Variants in RFC1 observed in about 807,000 individuals in gnomAD.
The protein encoded by RFC1 is A1 140 kDa subunit.
RFC1 carries 37 observed loss-of-function variants against 137.4 expected under a neutral mutation model. The ratio of observed to expected loss-of-function variants is 0.27; its 90% confidence interval spans 0.21 to 0.35. The LOEUF (loss-of-function observed/expected upper bound fraction) is 0.35, where lower values mean the gene tolerates loss of function less well. Ranked by LOEUF, RFC1 falls within the 10% of genes least tolerant of loss-of-function variation. The pLI is 1.00. For missense variants in RFC1, 1,205 were observed against 1,358.5 expected (o/e 0.89, Z 1.78); for synonymous variants, 429 against 455.7 (o/e 0.94, Z 0.75).
chr4:39,365,048 A>G (rs923681990), intron 1 of RFC1, among the ~76,000 whole-genome samples: 2 of 150,030 alleles, frequency 1.3e-5, no homozygotes, highest in Non-Finnish European at 3.0e-5. Context: ...AGAAACACCA[A>G]GATTCTAATT....
At chr4:39,356,892 G>A (rs1026199442) in intron 1 of RFC1, among the ~76,000 whole-genome samples, 1 of 152,202 alleles carries the variant, frequency 6.6e-6, no homozygotes, top group African/African-American at 2.4e-5. Flanking sequence ...TGAAATATAA[G>A]TGTGGTCTGA....
At chr4:39,338,421 T>C (rs1740459168) in intron 4 of RFC1, among the ~76,000 whole-genome samples, 2 of 152,298 alleles carry the variant, frequency 1.3e-5, no homozygotes, top group East Asian at 1.9e-4. Context: ...CACTATGCAA[T>C]AGAAGTAAAA....
intron 1 of RFC1, among the ~76,000 whole-genome samples, chr4:39,361,881 A>T (rs1418561535): frequency 6.6e-6 from 1 of 151,558 alleles, no homozygotes; most frequent in Admixed American, 6.6e-5. Context: ...CTAAAAATAC[A>T]AAAAAAAATT....
intron 10 of RFC1, among the ~76,000 whole-genome samples, chr4:39,315,412 G>C (rs1251055362): frequency 6.6e-6 from 1 of 152,188 alleles, no homozygotes; most frequent in Admixed American, 6.5e-5. Flanking sequence ...AAAGAAGCAG[G>C]GGCCAAGGCC....
intron 22 of RFC1, among the ~76,000 whole-genome samples, chr4:39,293,999 T>C (rs17335494): frequency 6.6e-6 from 1 of 152,206 alleles, no homozygotes; most frequent in Admixed American, 6.5e-5. Flanking sequence ...CCTTTCTGAC[T>C]CTGACACTAC....
At chr4:39,316,491 C>T (rs1180722105) in intron 10 of RFC1, among the ~76,000 whole-genome samples, 1 of 152,200 alleles carries the variant, frequency 6.6e-6, no homozygotes, top group Non-Finnish European at 1.5e-5. Flanking sequence ...TTCTTCAAGT[C>T]TCCATTTAAA....
rs116270310 is a variant in RFC1 at position 39,336,728 on chromosome 4, A to G, written c.331+5617T>C. The stretch of plus-strand genomic sequence containing the variant: ...ATTGCCAAAGGCCCCTCAGAAGGCA[A>G]TATCACCCTTGGTTGAGAAACACTG... On this transcript the variant is annotated intron_variant, in intron 4 of 24. Transcript: ENST00000349703. 2.2e-3 allele frequency among the ~76,000 whole-genome samples: 333 copies of G among 152,386 alleles called. 2 individuals are homozygous for G. The highest frequency in any genetic ancestry group is 7.6e-3 in the African/African-American group (317 of 41,596).
chr4:39,311,512 C>T lies in RFC1; in HGVS notation c.1421G>A (p.Gly474Asp). 8 of 1,614,038 alleles carry T rather than the reference C, an allele frequency of 5.0e-6. No individual in the cohort carries two copies. Among genetic ancestry groups the T allele is most frequent in the Non-Finnish European group, 6.8e-6 (8 of 1,179,982 alleles). Residue 474 changes from glycine to aspartate, a missense_variant, in exon 12 of 25, where the codon GGC becomes GAC. Physicochemically the swap from Gly to Asp is moderately conservative, Grantham distance 94. Around this residue, in one of 3 missense-constraint regions of RFC1, gnomAD observed 962 missense variants for 1,035.3 expected, o/e 0.93. Transcript: ENST00000349703. ...ALGTKIIDED[G>D]LLNLIRTMPG... Reference sequence around the variant, plus strand: ...CATAGTCCGAATCAGATTCAACAGGCCATCTTCATCAATAATTTTTGTCCC... The same window carrying T: ...CATAGTCCGAATCAGATTCAACAGGTCATCTTCATCAATAATTTTTGTCCC...
intron 9 of RFC1, among the ~76,000 whole-genome samples, chr4:39,319,385 T>G (rs1229717333): frequency 6.6e-6 from 1 of 152,200 alleles, no homozygotes; most frequent in Non-Finnish European, 1.5e-5. Flanking sequence ...GATCTTAGAA[T>G]AGTTAAACTC....
chr4:39,302,227 A>G (rs1417017662), intron 19 of RFC1, 51 bp downstream of exon 19: 1 of 1,120,226 alleles, frequency 8.9e-7, no homozygotes. Flanking sequence ...CCTACAGAAC[A>G]AGAAGTGTTT....
chr4:39,303,160 G>C lies in RFC1; in HGVS notation c.2111-9C>G. ...TGAAGAGGCTGCTCCATCTGACCCA[G>C]GTTGAGGAGCAATGGGATGAGACAA... On this transcript the variant is annotated splice_polypyrimidine_tract_variant and intron_variant, in intron 15 of 24. Coordinates refer to ENST00000349703, the MANE Select transcript of RFC1 (RefSeq NM_002913.5). The C allele has an allele frequency of 3.1e-6, 5 of 1,599,110 alleles. No individual in the cohort carries two copies. Among genetic ancestry groups the C allele is most frequent in the Non-Finnish European group, 4.3e-6 (5 of 1,166,590 alleles).
chr4:39,299,792 G>A (rs1201872440), intron 21 of RFC1, among the ~76,000 whole-genome samples: 2 of 151,982 alleles, frequency 1.3e-5, no homozygotes, highest in African/African-American at 2.4e-5. Context: ...GCGGGCACCT[G>A]TAGTCCCAGC....
chr4:39,294,418 T>C (rs2109583848), intron 22 of RFC1, among the ~76,000 whole-genome samples: 1 of 152,284 alleles, frequency 6.6e-6, no homozygotes, highest in African/African-American at 2.4e-5. Context: ...ACGCCTGTAA[T>C]CCCAGCACTT....
At position 39,288,657 on chromosome 4, in the gene RFC1, A is replaced by G. The variant is rs1279327991; in HGVS notation, c.*104T>C. The G allele has an allele frequency of 2.7e-6, 2 of 741,756 alleles. No individual in the cohort carries two copies. Among genetic ancestry groups the G allele is most frequent in the Non-Finnish European group, 4.8e-6 (2 of 420,946 alleles). 45.9% of individuals were successfully genotyped at this position (741,756 alleles called of 1,614,324 possible). On this transcript the variant is annotated 3_prime_UTR_variant, in exon 25 of 25. Transcript: ENST00000349703. ...TAATGGGACACCAGGTCATCCCATT[A>G]TGCTAAAACATGGTTGCTCTGGGAA...
chr4:39,353,397 CAAAAAAAAAA>C (rs11416030), intron 1 of RFC1, among the ~76,000 whole-genome samples: 6 of 63,518 alleles, frequency 9.4e-5, no homozygotes, highest in Non-Finnish European at 1.7e-4. Flanking sequence ...GAGACTGTCT[CAAAAAAAAAA>C]AAAAAAAAAA....
intron 22 of RFC1, among the ~76,000 whole-genome samples, chr4:39,294,957 C>T (rs965964524): frequency 5.3e-5 from 8 of 152,172 alleles, no homozygotes; most frequent in Admixed American, 2.6e-4. Flanking sequence ...GAGCAGAGAT[C>T]GCATCACTGC....
chr4:39,291,300 C>A (rs575978391), intron 23 of RFC1, among the ~76,000 whole-genome samples: 1 of 152,086 alleles, frequency 6.6e-6, no homozygotes, highest in African/African-American at 2.4e-5. Context: ...TTTTTACAAC[C>A]CATTACCACC....
At chr4:39,350,066 G>T (rs994029602) in intron 2 of RFC1, among the ~76,000 whole-genome samples, 3 of 151,926 alleles carry the variant, frequency 2.0e-5, no homozygotes, top group African/African-American at 4.8e-5. Flanking sequence ...AGAAATTAAA[G>T]CTACAAAAAA....
intron 10 of RFC1, 21 bp from the exon 11 acceptor site, chr4:39,312,952 G>T: frequency 1.3e-6 from 2 of 1,571,516 alleles, no homozygotes; most frequent in Non-Finnish European, 1.7e-6. Context: ...AAATGTTCAA[G>T]CAGAGAGGAA....
Sources: allele counts gnomAD v4.1 joint callset (sites outside exome capture counted in the v4.1 genomes callset), GRCh38; gene constraint gnomAD v4.1.1; regional missense constraint gnomAD v4.1.1; transcripts MANE v1.5; gene names NCBI Gene and HGNC (gene_info 2026-07-23, HGNC 2026-07-21).